The following SLC44A3 variants were observed in gnomAD, a reference collection of about 807,000 sequenced individuals.
SLC44A3 encodes the protein solute carrier family 44 member 3.
A neutral mutation model predicts 75.4 loss-of-function variants in SLC44A3; 74 were observed. The observed-to-expected ratio is 0.98, with a 90% confidence interval of 0.81 to 1.19. The LOEUF (loss-of-function observed/expected upper bound fraction) is 1.19. SLC44A3 is among the 50% of genes most tolerant of loss of function. The pLI is 0.00. For missense variants in SLC44A3, 700 were observed against 778.6 expected (o/e 0.90, Z 1.20); for synonymous variants, 310 against 296.9 (o/e 1.04, Z -0.45).
At chr1:94,881,659 A>C (rs1253961885) in intron 12 of SLC44A3, among the ~76,000 whole-genome samples, 2 of 146,096 alleles carry the variant, frequency 1.4e-5, no homozygotes, top group African/African-American at 2.5e-5. Context: ...AGCTGAGATC[A>C]TGCCACTGCA....
At position 94,842,129 on chromosome 1, in the gene SLC44A3, G is replaced by A; in HGVS notation, c.885+5G>A. ...ATCGTATCCACAGGCATCACGGTAA[G>A]AAATGCTCTTCTAGCAGTAGGTCAG... On this transcript the variant is annotated splice_donor_5th_base_variant and intron_variant, in intron 8 of 14. Transcript: ENST00000271227. 1 of 1,602,618 alleles carries A rather than the reference G, an allele frequency of 6.2e-7. No individual in the cohort carries two copies. The highest frequency in any genetic ancestry group is 8.5e-7 in the Non-Finnish European group (1 of 1,175,314).
In SLC44A3 at chr1:94,846,162, A is replaced by AAC. The variant is rs1553200464; in HGVS notation, c.1072+699_1072+700insCA. Among the ~76,000 whole-genome samples the AAC allele has an allele frequency of 3.9e-3, 585 of 151,510 alleles. 3 individuals are homozygous for AAC. The highest frequency in any genetic ancestry group is 0.013 in the African/African-American group (552 of 41,272). On this transcript the variant is annotated intron_variant, in intron 9 of 14. Coordinates refer to ENST00000271227, the MANE Select transcript of SLC44A3 (RefSeq NM_001114106.3). ...ACTCTGTCTCAAAAAAAAAAAAAAA[A>AAC]AGTGTTATGCCCAGCAGAGCCAGTG...
rs530757704 is a variant in SLC44A3, at chr1:94,881,561, A to G, written c.1483-9569A>G. ...CTACTAAAAATACAAAAAATTAGCC[A>G]GGCATGGTGGCGGGTGCCTGTAGTC... On this transcript the variant is annotated intron_variant, in intron 12 of 14. Transcript: ENST00000271227. Among the ~76,000 whole-genome samples the G allele has an allele frequency of 4.6e-4, 70 of 151,114 alleles. 2 individuals are homozygous for G. Among genetic ancestry groups the G allele is most frequent in the South Asian group, 2.3e-3 (11 of 4,768 alleles).
chr1:94,852,092 T>C (rs1045587038), intron 9 of SLC44A3, among the ~76,000 whole-genome samples: 1 of 152,214 alleles, frequency 6.6e-6, no homozygotes, highest in African/African-American at 2.4e-5. Flanking sequence ...TATCCATTCA[T>C]TCATTCAATC....
intron 11 of SLC44A3, among the ~76,000 whole-genome samples, chr1:94,867,069 C>T (rs1667243733): frequency 6.6e-6 from 1 of 151,918 alleles, no homozygotes; most frequent in Non-Finnish European, 1.5e-5. Flanking sequence ...AACCAGAAGG[C>T]CTGCTTTTGT....
At chr1:94,852,161 C>T (rs746605582) in intron 9 of SLC44A3, among the ~76,000 whole-genome samples, 5 of 152,138 alleles carry the variant, frequency 3.3e-5, no homozygotes, top group Non-Finnish European at 7.4e-5. Flanking sequence ...GCTGGAGATA[C>T]AGCTTTTCTT....
Position 94,840,652 on chromosome 1 carries a change from C to T in SLC44A3, c.760+615C>T, listed in dbSNP as rs527916367. ...GAGATGAGCTTTCCAATACCGTGAT[C>T]CTGTATCCATAACGTTAAAAGAGAA... On this transcript the variant is annotated intron_variant, in intron 7 of 14. Transcript: ENST00000271227. Among the ~76,000 whole-genome samples, 13 of 152,274 alleles carry T rather than the reference C, an allele frequency of 8.5e-5. No homozygotes were observed. The South Asian group carries it at 1.4e-3, about 17-fold the overall frequency.
chr1:94,837,383 T>C (rs1662964371), intron 5 of SLC44A3, among the ~76,000 whole-genome samples: 1 of 152,250 alleles, frequency 6.6e-6, no homozygotes, highest in South Asian at 2.1e-4. Context: ...ACTGTAGCAA[T>C]CATTTCATGA....
chr1:94,846,391 T>C (rs1483148002), intron 9 of SLC44A3, among the ~76,000 whole-genome samples: 1 of 152,166 alleles, frequency 6.6e-6, no homozygotes, highest in African/African-American at 2.4e-5. Flanking sequence ...CTAGTATATG[T>C]TCTTGTAAAG....
At chr1:94,874,108 A>G (rs1668041195) in intron 12 of SLC44A3, among the ~76,000 whole-genome samples, 1 of 152,222 alleles carries the variant, frequency 6.6e-6, no homozygotes, top group Non-Finnish European at 1.5e-5. Context: ...ATTAAGGCCC[A>G]TTTATAGACA....
intron 6 of SLC44A3, among the ~76,000 whole-genome samples, chr1:94,838,719 T>G (rs1663150997): frequency 6.6e-6 from 1 of 152,356 alleles, no homozygotes. Flanking sequence ...ACTTTCAGAC[T>G]TCTTACTTAG....
At chr1:94,853,244 G>A (rs944966884) in intron 9 of SLC44A3, among the ~76,000 whole-genome samples, 2 of 152,166 alleles carry the variant, frequency 1.3e-5, no homozygotes, top group Admixed American at 1.3e-4. Context: ...GATGTGCGCG[G>A]TCCAGTGTGG....
intron 5 of SLC44A3, among the ~76,000 whole-genome samples, chr1:94,836,492 A>C (rs1662807845): frequency 6.6e-6 from 1 of 152,226 alleles, no homozygotes; most frequent in African/African-American, 2.4e-5. Context: ...GGACGGAATT[A>C]AGCTAATAGT....
chr1:94,825,938 T>C (rs1234062264), intron 3 of SLC44A3: 2 of 456,216 alleles, frequency 4.4e-6, no homozygotes, highest in Admixed American at 2.3e-5. Flanking sequence ...TCATTCCTGG[T>C]TGAAGTGAGT....
chr1:94,827,706 G>C, intron 4 of SLC44A3, 63 bp downstream of exon 4: 1 of 1,575,462 alleles, frequency 6.3e-7, no homozygotes, highest in South Asian at 1.1e-5. Flanking sequence ...GGACCTAGAT[G>C]AGATCATTTA....
At chr1:94,875,228 G>C (rs1239555363) in intron 12 of SLC44A3, among the ~76,000 whole-genome samples, 1 of 152,156 alleles carries the variant, frequency 6.6e-6, no homozygotes, top group Admixed American at 6.5e-5. Flanking sequence ...ACAAATGAGA[G>C]GCATTAGCCT....
chr1:94,826,637 CAAA>C (rs34931563), intron 3 of SLC44A3, among the ~76,000 whole-genome samples: 21 of 127,908 alleles, frequency 1.6e-4, no homozygotes, highest in East Asian at 2.2e-4. Flanking sequence ...GACTCTGTCT[CAAA>C]AAAAAAAAAA....
intron 12 of SLC44A3, among the ~76,000 whole-genome samples, chr1:94,878,563 G>T (rs1406622343): frequency 2.0e-5 from 3 of 152,202 alleles, no homozygotes; most frequent in Non-Finnish European, 4.4e-5. Flanking sequence ...ACTTAGAACT[G>T]ACTACAAGGG....
At chr1:94,891,419 TCCC>T in intron 13 of SLC44A3, 152 bp downstream of exon 13, 1 of 851,880 alleles carries the variant, frequency 1.2e-6, no homozygotes, top group East Asian at 2.6e-5. Flanking sequence ...CCATGAGGTA[TCCC>T]TACTTTGCAG....
Sources: gnomAD v4.1 joint callset for allele counts (sites outside exome capture counted in the v4.1 genomes callset) on GRCh38, gnomAD v4.1.1 for gene constraint, MANE v1.5 for transcripts, NCBI Gene and HGNC (gene_info 2026-07-23, HGNC 2026-07-21) for gene names.